Variants in WBP2NL observed in about 807,000 individuals in gnomAD.
The protein encoded by WBP2NL is postacrosomal sheath WW domain-binding protein.
A neutral mutation model predicts 23.3 loss-of-function variants in WBP2NL; 27 were observed. That is an observed-to-expected ratio of 1.16 (90% confidence interval 0.85 to 1.60). The LOEUF (loss-of-function observed/expected upper bound fraction) is 1.60, where lower values mean the gene tolerates loss of function less well. WBP2NL is among the 40% of genes most tolerant of loss of function. WBP2NL has a pLI of 0.00. For missense variants in WBP2NL, 370 were observed against 389.5 expected, an observed-to-expected ratio of 0.95 and a Z score of 0.42; for synonymous variants, 151 against 145.9, an observed-to-expected ratio of 1.03 and a Z score of -0.25.
chr22:42,021,128 C>T (rs891151596), intron 4 of WBP2NL, among the ~76,000 whole-genome samples: 3 of 151,192 alleles, frequency 2.0e-5, no homozygotes, highest in Admixed American at 2.0e-4. Context: ...CCATGTTGGT[C>T]AGGCTGGTCT....
chr22:42,042,248 C>A (rs1314821871), intron 8 of WBP2NL, among the ~76,000 whole-genome samples: 1 of 152,180 alleles, frequency 6.6e-6, no homozygotes, highest in Non-Finnish European at 1.5e-5. Flanking sequence ...AATACACTTT[C>A]TACTTCCTTT....
chr22:42,041,092 A>G (rs73418980), intron 8 of WBP2NL, among the ~76,000 whole-genome samples: 7,733 of 152,260 alleles, frequency 0.051, 685 homozygotes, highest in African/African-American at 0.18. Context: ...GATGTTCAGT[A>G]CATACATGTT....
intron 1 of WBP2NL, among the ~76,000 whole-genome samples, chr22:42,013,549 A>C (rs967246989): frequency 2.6e-5 from 4 of 152,112 alleles, no homozygotes; most frequent in African/African-American, 9.7e-5. Flanking sequence ...AGTTTATTCT[A>C]CTTGGAGTTT....
intron 8 of WBP2NL, among the ~76,000 whole-genome samples, chr22:42,047,268 T>TAAAAAA (rs1569454673): frequency 1.1e-4 from 4 of 36,218 alleles, no homozygotes; most frequent in African/African-American, 3.2e-4. Context: ...ATTTTCAAGC[T>TAAAAAA]CAAAAAAAAA....
chr22:42,021,036 C>G (rs1047963556), intron 4 of WBP2NL, among the ~76,000 whole-genome samples: 1 of 148,480 alleles, frequency 6.7e-6, no homozygotes, highest in African/African-American at 2.5e-5. Context: ...TCTCCTCCCT[C>G]AGCCTCCCAA....
chr22:42,014,729 C>G (rs1923151358), intron 1 of WBP2NL, among the ~76,000 whole-genome samples: 1 of 152,320 alleles, frequency 6.6e-6, no homozygotes, highest in South Asian at 2.1e-4. Context: ...TTCTGCCTGC[C>G]AAAATTGGCT....
chr22:42,005,127 G>T (rs1251906356), intron 1 of WBP2NL, among the ~76,000 whole-genome samples: 1 of 152,058 alleles, frequency 6.6e-6, no homozygotes, highest in African/African-American at 2.4e-5. Flanking sequence ...TGAGGCAGGA[G>T]AATCACTTGA....
At chr22:42,001,083 T>C (rs1921617199) in intron 1 of WBP2NL, 8 of 1,001,950 alleles carry the variant, frequency 8.0e-6, no homozygotes, top group Non-Finnish European at 1.1e-5. Context: ...ATGTACTTCT[T>C]GGTTTCATCA....
Position 42,027,025 on chromosome 22 carries a change from A to C in WBP2NL, c.774A>C (p.Gly258=). ...PPLGYGAPPL[G]YGAPPAGNEG... is the part of the protein sequence containing the mutation. ...TCGGATATGGAGCCCCACCTCTCGG[A>C]TATGGAGCCCCACCTGCAGGAAATG... is the stretch of plus-strand genomic sequence containing the variant. Residue 258 remains glycine (G), a synonymous_variant, in exon 6 of 6, where the codon GGA becomes GGC. Coordinates refer to ENST00000328823, the MANE Select transcript of WBP2NL (RefSeq NM_152613.3). 6.2e-7 allele frequency: 1 copy of C among 1,613,486 alleles called. No individual in the cohort carries two copies. The highest frequency in any genetic ancestry group is 1.1e-5 in the South Asian group (1 of 91,040).
downstream of WBP2NL, chr22:42,032,789 TCTGTCA>T: frequency 2.1e-6 from 1 of 469,758 alleles, no homozygotes; most frequent in Non-Finnish European, 4.4e-6. Context: ...AAGAAGGGGT[TCTGTCA>T]AAGGGAAAGG....
intron 1 of WBP2NL, chr22:42,001,441 G>A: frequency 1.1e-6 from 1 of 876,534 alleles, no homozygotes; most frequent in South Asian, 1.5e-5. Flanking sequence ...ACACGTTAAA[G>A]CCTTGGTACA....
chr22:42,003,717 A>T (rs1299365926), intron 1 of WBP2NL, among the ~76,000 whole-genome samples: 2 of 152,172 alleles, frequency 1.3e-5, no homozygotes, highest in Admixed American at 6.5e-5. Flanking sequence ...ATTCCAGATT[A>T]TTTTTCCACC....
Position 41,998,809 on chromosome 22 carries a change from C to T in WBP2NL, c.-10C>T. 6.2e-7 allele frequency: 1 copy of T among 1,608,168 alleles called. No homozygotes were observed. The highest frequency in any genetic ancestry group is 8.5e-7 in the Non-Finnish European group (1 of 1,176,464). On this transcript the variant is annotated 5_prime_UTR_variant, in exon 1 of 6. Coordinates refer to ENST00000328823, the MANE Select transcript of WBP2NL (RefSeq NM_152613.3). ...TTCCATCTACGGGGCGGCAGGAGGC[C>T]CGAAGCAAGATGGCGGTGAATCAGA...
At chr22:42,045,121 A>G (rs1925535996) in intron 8 of WBP2NL, among the ~76,000 whole-genome samples, 1 of 152,124 alleles carries the variant, frequency 6.6e-6, no homozygotes, top group Admixed American at 6.6e-5. Context: ...ATAAGCCACT[A>G]TGCCCAGCCT....
chr22:42,014,849 C>T (rs1192196329), intron 1 of WBP2NL, among the ~76,000 whole-genome samples: 2 of 152,172 alleles, frequency 1.3e-5, no homozygotes, highest in African/African-American at 2.4e-5. Context: ...TCTCTACTTC[C>T]TGAGACTTTG....
chr22:41,998,982 T>C lies in WBP2NL; in HGVS notation c.62+102T>C, dbSNP rs527511785. On this transcript the variant is annotated intron_variant, in intron 1 of 5. Transcript: ENST00000328823. ...AGCGAGTCAGGGACTTTGCCGCCTT[T>C]TTTGGGCGCGGCGCTCTTAGCTCCG... 114 of 1,369,292 alleles carry C rather than the reference T, an allele frequency of 8.3e-5. No individual in the cohort carries two copies. The East Asian group carries it at 2.9e-3, about 35-fold the overall frequency. 84.8% of individuals were successfully genotyped at this position (1,369,292 alleles called of 1,614,324 possible).
At chr22:42,057,411 T>C (rs1926080595) in intron 8 of WBP2NL, among the ~76,000 whole-genome samples, 1 of 152,186 alleles carries the variant, frequency 6.6e-6, no homozygotes, top group Non-Finnish European at 1.5e-5. Flanking sequence ...TGTTATTCTG[T>C]TTGGGCATCA....
At chr22:42,010,223 A>G (rs1602445909) in intron 1 of WBP2NL, among the ~76,000 whole-genome samples, 1 of 152,248 alleles carries the variant, frequency 6.6e-6, no homozygotes, top group South Asian at 2.1e-4. Context: ...TTATTTACAT[A>G]TAAGATCACG....
chr22:42,001,230 C>T (rs1921634799), intron 1 of WBP2NL: 3 of 703,836 alleles, frequency 4.3e-6, no homozygotes, highest in Non-Finnish European at 7.8e-6. Flanking sequence ...ATGTCAGTTC[C>T]TTTGCATCCT....
Sources: gnomAD v4.1 joint callset for allele counts (sites outside exome capture counted in the v4.1 genomes callset) on GRCh38, gnomAD v4.1.1 for gene constraint, MANE v1.5 for transcripts, NCBI Gene and HGNC (gene_info 2026-07-23, HGNC 2026-07-21) for gene names.